The following SLC39A11 variants were observed in gnomAD, a reference collection of about 807,000 sequenced individuals.
The protein encoded by SLC39A11 is zinc transporter ZIP11.
In SLC39A11, 33 loss-of-function variants were observed where a neutral mutation model predicts 36.1. The observed-to-expected ratio is 0.91, with a 90% CI of 0.69 to 1.22. SLC39A11 has a LOEUF of 1.22. Among genes scored for constraint, SLC39A11 ranks in the 50% most tolerant of loss-of-function variants. The pLI, the probability that SLC39A11 is intolerant of heterozygous loss-of-function variation, is 0.00. For synonymous variants in SLC39A11, 166 were observed against 170.3 expected (o/e 0.97, Z 0.20); for missense variants, 432 against 430.3 (o/e 1.00, Z -0.03).
chr17:72,968,320 G>A (rs1199409442), intron 4 of SLC39A11, among the ~76,000 whole-genome samples: 1 of 152,146 alleles, frequency 6.6e-6, no homozygotes, highest in South Asian at 2.1e-4. Flanking sequence ...CACCAGAGCC[G>A]AGACCAACTC....
intron 5 of SLC39A11, among the ~76,000 whole-genome samples, chr17:72,919,857 C>A (rs1431633915): frequency 6.6e-6 from 1 of 152,044 alleles, no homozygotes; most frequent in East Asian, 1.9e-4. Flanking sequence ...CAGGCTCTGG[C>A]TGGAATTCAC....
chr17:73,007,564 G>A lies in SLC39A11; in HGVS notation c.306+23992C>T, dbSNP rs192825679. Reference sequence around the variant, plus strand: ...AGGAAGGTGGTTCCTGGCAGAGGGAGAACACGAGAAAAGGCTCAAAAAGAC... The same window carrying A: ...AGGAAGGTGGTTCCTGGCAGAGGGAAAACACGAGAAAAGGCTCAAAAAGAC... On this transcript the variant is annotated intron_variant, in intron 4 of 9. Coordinates refer to ENST00000255559, the MANE Select transcript of SLC39A11 (RefSeq NM_139177.4). Among the ~76,000 whole-genome samples, 370 of 152,260 alleles carry A rather than the reference G, an allele frequency of 2.4e-3. 1 individual carries two copies. The highest frequency in any genetic ancestry group is 8.6e-3 in the African/African-American group (358 of 41,556).
At chr17:73,092,482 T>C (rs2060959322) in intron 1 of SLC39A11, 129 bp downstream of exon 1, 1 of 107,692 alleles carries the variant, frequency 9.3e-6, no homozygotes, top group Admixed American at 1.3e-4. Flanking sequence ...ACCCCTCCTC[T>C]CTCCAGGCGT....
chr17:72,933,623 G>C (rs972513934), intron 5 of SLC39A11, among the ~76,000 whole-genome samples: 1 of 152,078 alleles, frequency 6.6e-6, no homozygotes, highest in African/African-American at 2.4e-5. Flanking sequence ...GGGTTCAAGC[G>C]ATTATCTAGC....
At chr17:72,967,124 G>C (rs1394019591) in intron 4 of SLC39A11, among the ~76,000 whole-genome samples, 1 of 152,058 alleles carries the variant, frequency 6.6e-6, no homozygotes. Flanking sequence ...TGTCCATTAT[G>C]GTGAGTTATA....
chr17:72,719,810 G>A (rs1415086448), intron 7 of SLC39A11, among the ~76,000 whole-genome samples: 1 of 152,198 alleles, frequency 6.6e-6, no homozygotes, highest in African/African-American at 2.4e-5. Context: ...GACTTGGGTG[G>A]GGGTGGCTGG....
chr17:72,949,883 T>G (rs2085735342), intron 4 of SLC39A11, among the ~76,000 whole-genome samples: 1 of 151,484 alleles, frequency 6.6e-6, no homozygotes, highest in Non-Finnish European at 1.5e-5. Context: ...TAAAAAATAC[T>G]AAAACAATTT....
intron 7 of SLC39A11, among the ~76,000 whole-genome samples, chr17:72,718,969 T>C (rs1425136664): frequency 6.6e-6 from 1 of 151,902 alleles, no homozygotes; most frequent in Non-Finnish European, 1.5e-5. Flanking sequence ...CCAGGTTCAG[T>C]GGCTCACGCC....
intron 7 of SLC39A11, among the ~76,000 whole-genome samples, chr17:72,677,983 C>G (rs899808309): frequency 1.3e-5 from 2 of 152,180 alleles, no homozygotes; most frequent in Non-Finnish European, 2.9e-5. Flanking sequence ...CCAAGCTTAA[C>G]CTGGCAGGAG....
chr17:72,713,222 G>A (rs534679650), intron 7 of SLC39A11, among the ~76,000 whole-genome samples: 5 of 152,258 alleles, frequency 3.3e-5, no homozygotes, highest in Admixed American at 2.0e-4. Flanking sequence ...TAAGAATCTC[G>A]GCTGAAAGAT....
chr17:72,741,587 G>A (rs551687868), intron 6 of SLC39A11, among the ~76,000 whole-genome samples: 26 of 152,170 alleles, frequency 1.7e-4, no homozygotes, highest in Non-Finnish European at 3.2e-4. Flanking sequence ...TCACAGAGAC[G>A]TTAGGATCTT....
chr17:72,658,227 C>T (rs909537449), intron 7 of SLC39A11, among the ~76,000 whole-genome samples: 5 of 152,284 alleles, frequency 3.3e-5, no homozygotes, highest in Admixed American at 6.5e-5. Context: ...GGGAAAGGTG[C>T]CCATTCATGG....
intron 2 of SLC39A11, among the ~76,000 whole-genome samples, chr17:73,088,334 G>A (rs1323784019): frequency 6.6e-6 from 1 of 151,844 alleles, no homozygotes; most frequent in African/African-American, 2.4e-5. Flanking sequence ...GAAATTACAT[G>A]GCAGGTAGAA....
chr17:72,807,677 G>C (rs1294556701), intron 6 of SLC39A11, among the ~76,000 whole-genome samples: 2 of 152,160 alleles, frequency 1.3e-5, no homozygotes, highest in East Asian at 3.9e-4. Flanking sequence ...AGTGGGCCTG[G>C]AGAGGAAATG....
At chr17:72,856,757 T>C (rs561368583) in intron 5 of SLC39A11, among the ~76,000 whole-genome samples, 66 of 152,276 alleles carry the variant, frequency 4.3e-4, no homozygotes, top group Non-Finnish European at 8.2e-4. Flanking sequence ...CTCGGTTCAC[T>C]GTAACACCCG....
At chr17:72,866,907 T>C (rs2080330831) in intron 5 of SLC39A11, among the ~76,000 whole-genome samples, 1 of 152,100 alleles carries the variant, frequency 6.6e-6, no homozygotes, top group African/African-American at 2.4e-5. Flanking sequence ...AGATTCTAAG[T>C]GAAGAGATAT....
At chr17:72,734,790 G>A (rs2074355676) in intron 7 of SLC39A11, among the ~76,000 whole-genome samples, 1 of 152,210 alleles carries the variant, frequency 6.6e-6, no homozygotes, top group African/African-American at 2.4e-5. Flanking sequence ...GCTGGGCACA[G>A]ACCTCTGCAG....
At chr17:72,990,772 A>G (rs994817177) in intron 4 of SLC39A11, among the ~76,000 whole-genome samples, 6 of 152,156 alleles carry the variant, frequency 3.9e-5, no homozygotes, top group African/African-American at 1.4e-4. Flanking sequence ...ACACACACAC[A>G]TCTACACTAA....
chr17:73,013,774 C>G (rs1423322715), intron 4 of SLC39A11, among the ~76,000 whole-genome samples: 1 of 151,868 alleles, frequency 6.6e-6, no homozygotes, highest in African/African-American at 2.4e-5. Flanking sequence ...AAAGATTGGA[C>G]ACACTTGCTG....
Sources: gnomAD v4.1 joint callset for allele counts (sites outside exome capture counted in the v4.1 genomes callset) on GRCh38, gnomAD v4.1.1 for gene constraint, MANE v1.5 for transcripts, NCBI Gene and HGNC (gene_info 2026-07-23, HGNC 2026-07-21) for gene names.